TTC39C: variants seen among roughly 807,000 people sequenced by gnomAD.
The protein encoded by TTC39C is tetratricopeptide repeat protein 39C.
Under a neutral mutation model 76.3 loss-of-function variants are expected in TTC39C, and 33 were observed. The observed-to-expected ratio is 0.43, with a 90% confidence interval of 0.33 to 0.58. The LOEUF is 0.58. Ranked by LOEUF, TTC39C falls within the 20% of genes least tolerant of loss-of-function variation. The pLI is 0.04. For synonymous variants in TTC39C, 254 were observed against 260.6 expected, an observed-to-expected ratio of 0.97 and a Z score of 0.24; for missense variants, 595 against 701.4, an observed-to-expected ratio of 0.85 and a Z score of 1.71.
At chr18:24,029,531 T>G (rs6508104) in intron 1 of TTC39C, among the ~76,000 whole-genome samples, 152,281 of 152,366 alleles carry the variant, frequency 1, 76,098 homozygotes, top group Non-Finnish European at 1. Context: ...TCAGTAGTTT[T>G]GGGGGAACAG....
chr18:24,001,924 C>G (rs1340975462), intron 1 of TTC39C, among the ~76,000 whole-genome samples: 1 of 149,602 alleles, frequency 6.7e-6, no homozygotes, highest in Non-Finnish European at 1.5e-5. Context: ...CTCCCGGGTT[C>G]ACGCCATTCT....
chr18:24,134,574 C>G lies in TTC39C; in HGVS notation c.*2000C>G, dbSNP rs138543523. ...ACTGGTGTGAGCCACCGTGCCCGGC[C>G]TGGACATCTGGTTTTAACTAGATGG... On this transcript the variant is annotated 3_prime_UTR_variant, in exon 14 of 14. Coordinates refer to ENST00000317571, the MANE Select transcript of TTC39C (RefSeq NM_001135993.2). 6.6e-6 allele frequency: 1 copy of G among 152,102 alleles called. No homozygotes were observed. The highest frequency in any genetic ancestry group is 1.9e-4 in the East Asian group (1 of 5,152). The allele number at this position is 152,102 out of a possible 1,614,324, so 9.4% of individuals were successfully genotyped here. A position where few individuals can be genotyped will look rare whatever the true frequency, so the allele number is the denominator to read the frequency against.
At chr18:24,062,491 A>C (rs2084112881) in intron 1 of TTC39C, among the ~76,000 whole-genome samples, 1 of 152,204 alleles carries the variant, frequency 6.6e-6, no homozygotes, top group Admixed American at 6.5e-5. Context: ...CTGTGGAATG[A>C]GAAAAACTAA....
At chr18:24,029,261 C>T (rs542301985) in intron 1 of TTC39C, among the ~76,000 whole-genome samples, 3 of 152,146 alleles carry the variant, frequency 2.0e-5, no homozygotes, top group East Asian at 1.9e-4. Flanking sequence ...TACCACCACG[C>T]GTGGCTAAGT....
chr18:24,022,692 T>C, intron 1 of TTC39C: 1 of 985,396 alleles, frequency 1.0e-6, no homozygotes, highest in Non-Finnish European at 1.2e-6. Flanking sequence ...ACCCCAAGCT[T>C]TAGACGCTCT....
At chr18:24,041,412 T>TCC (rs2083790817) in intron 1 of TTC39C, among the ~76,000 whole-genome samples, 3 of 152,236 alleles carry the variant, frequency 2.0e-5, no homozygotes, top group Admixed American at 2.0e-4. Flanking sequence ...GGTGGGTGGG[T>TCC]AGCAGAGAAA....
rs566161321 is a variant in TTC39C at position 24,033,927 on chromosome 18, A to G, written c.167+18889A>G. On this transcript the variant is annotated intron_variant, in intron 1 of 13. Transcript: ENST00000317571. ...AATTGAAAGAGGACTTTGGCCAACA[A>G]AGATGAAAGTGCAGCAAAGAAAAAA... Among the ~76,000 whole-genome samples, 13 of 150,772 alleles carry G rather than the reference A, an allele frequency of 8.6e-5. No individual in the cohort carries two copies. In the East Asian group the frequency reaches 2.5e-3, roughly 29 times the overall value.
intron 1 of TTC39C, among the ~76,000 whole-genome samples, chr18:24,051,467 G>C (rs921121823): frequency 2.6e-5 from 4 of 152,192 alleles, no homozygotes; most frequent in Non-Finnish European, 4.4e-5. Flanking sequence ...AGGGACATCT[G>C]GGGTGAGCTG....
chr18:24,132,393 T>G (rs2085141286), intron 13 of TTC39C, 92 bp from the exon 14 acceptor site: 2 of 1,072,336 alleles, frequency 1.9e-6, no homozygotes, highest in Non-Finnish European at 2.7e-6. Context: ...GATTTTACTT[T>G]GGGAAATGCA....
chr18:24,084,734 C>A (rs1568431674), intron 6 of TTC39C, among the ~76,000 whole-genome samples: 2 of 152,170 alleles, frequency 1.3e-5, no homozygotes, highest in Non-Finnish European at 2.9e-5. Flanking sequence ...TAGCTCACTG[C>A]AGCCTCAGCC....
At chr18:24,040,884 G>T (rs974817023) in intron 1 of TTC39C, among the ~76,000 whole-genome samples, 4 of 150,466 alleles carry the variant, frequency 2.7e-5, no homozygotes, top group African/African-American at 7.5e-5. Context: ...CTGTATTTTT[G>T]GGGGGGCTAT....
At chr18:24,017,535 A>G (rs934321947) in intron 1 of TTC39C, among the ~76,000 whole-genome samples, 7 of 152,214 alleles carry the variant, frequency 4.6e-5, no homozygotes, top group African/African-American at 9.6e-5. Context: ...TCTTGACTGC[A>G]TAGTTCGAGT....
chr18:24,023,997 T>C (rs1285210539), intron 1 of TTC39C, among the ~76,000 whole-genome samples: 12 of 7,438 alleles, frequency 1.6e-3, no homozygotes, highest in African/African-American at 6.7e-3. Flanking sequence ...TATATATATA[T>C]ATATATATAT....
chr18:24,052,316 C>T (rs779083358), intron 1 of TTC39C, among the ~76,000 whole-genome samples: 5 of 152,134 alleles, frequency 3.3e-5, no homozygotes, highest in East Asian at 1.9e-4. Context: ...GAAGAGCGGG[C>T]GTATTCTTGG....
At chr18:24,040,887 G>A (rs926117252) in intron 1 of TTC39C, among the ~76,000 whole-genome samples, 3 of 152,078 alleles carry the variant, frequency 2.0e-5, no homozygotes, top group African/African-American at 7.2e-5. Flanking sequence ...TATTTTTGGG[G>A]GGGCTATATT....
chr18:24,046,381 T>C lies in TTC39C; in HGVS notation c.168-17759T>C, dbSNP rs554937950. 7.2e-5 allele frequency among the ~76,000 whole-genome samples: 11 copies of C among 152,006 alleles called. No homozygotes were observed. In the South Asian group the frequency reaches 1.9e-3, roughly 26 times the overall value. On this transcript the variant is annotated intron_variant, in intron 1 of 13. Transcript: ENST00000317571. ...TTGGGATACTTTTCTTGTTTACTGA[T>C]TATATCCACATAAGGCAGTATAATT...
chr18:24,130,519 A>C (rs1222787028), intron 12 of TTC39C, 102 bp downstream of exon 12: 1 of 309,366 alleles, frequency 3.2e-6, no homozygotes, highest in African/African-American at 2.2e-5. Context: ...AACAAACTGA[A>C]CACAGTGTTC....
Position 24,132,639 on chromosome 18 carries a change from G to A in TTC39C, c.*65G>A. The A allele has an allele frequency of 1.4e-6, 2 of 1,394,996 alleles. No individual in the cohort carries two copies. Among genetic ancestry groups the A allele is most frequent in the South Asian group, 1.3e-5 (1 of 78,826 alleles). 86.4% of individuals were successfully genotyped at this position (1,394,996 alleles called of 1,614,324 possible). The stretch of plus-strand genomic sequence containing the variant: ...TCCGCACTTTAAAATAAAAGCAGAG[G>A]ACAAAGCTCTTGTGAAGATGGGCTT... On this transcript the variant is annotated 3_prime_UTR_variant, in exon 14 of 14. Transcript: ENST00000317571.
At position 24,133,741 on chromosome 18, in the gene TTC39C, C is replaced by T. The variant is rs1373818252; in HGVS notation, c.*1167C>T. The stretch of plus-strand genomic sequence containing the variant: ...TACCTCCATGCCCGGTACTGCAAAC[C>T]TGTGGTTTTGAAGAATCTAAATACC... On this transcript the variant is annotated 3_prime_UTR_variant, in exon 14 of 14. Coordinates refer to ENST00000317571, the MANE Select transcript of TTC39C (RefSeq NM_001135993.2). 4 of 152,120 alleles carry T rather than the reference C, an allele frequency of 2.6e-5. No individual in the cohort carries two copies. The highest frequency in any genetic ancestry group is 5.9e-5 in the Non-Finnish European group (4 of 68,030). 9.4% of individuals were successfully genotyped at this position (152,120 alleles called of 1,614,324 possible). A position where few individuals can be genotyped will look rare whatever the true frequency, so the allele number is the denominator to read the frequency against.
Sources: allele counts gnomAD v4.1 joint callset (sites outside exome capture counted in the v4.1 genomes callset), GRCh38; gene constraint gnomAD v4.1.1; transcripts MANE v1.5; gene names NCBI Gene and HGNC (gene_info 2026-07-23, HGNC 2026-07-21).